Variants in VAT1L observed in about 807,000 individuals in gnomAD.
VAT1L encodes putative NADPH-dependent quinone oxidoreductase VAT1L.
In VAT1L, 34 loss-of-function variants were observed where a neutral mutation model predicts 44.1. The ratio of observed to expected loss-of-function variants is 0.77; its 90% CI spans 0.59 to 1.03. VAT1L has a LOEUF of 1.03. Among genes scored for constraint, VAT1L ranks in the 50% least tolerant of loss-of-function variants. The pLI, the probability that VAT1L is intolerant of heterozygous loss-of-function variation, is 0.00. For synonymous variants in VAT1L, 253 were observed against 202.2 expected (o/e 1.25, Z -2.13); for missense variants, 615 against 538.8 (o/e 1.14, Z -1.40).
At chr16:77,832,777 G>C (rs2145252785) in intron 3 of VAT1L, among the ~76,000 whole-genome samples, 1 of 152,288 alleles carries the variant, frequency 6.6e-6, no homozygotes, top group East Asian at 1.9e-4. Context: ...TATAAAGGGG[G>C]CATTATGAGG....
At chr16:77,960,263 C>T (rs866321123) in intron 7 of VAT1L, among the ~76,000 whole-genome samples, 1 of 152,112 alleles carries the variant, frequency 6.6e-6, no homozygotes. Context: ...ACAGTTAGTA[C>T]ACACTCAGTG....
intron 5 of VAT1L, among the ~76,000 whole-genome samples, chr16:77,878,477 G>A (rs780129243): frequency 1.2e-4 from 17 of 147,336 alleles, no homozygotes; most frequent in Non-Finnish European, 1.8e-4. Flanking sequence ...CCCCTGCCCC[G>A]AAACCTTATA....
intron 4 of VAT1L, among the ~76,000 whole-genome samples, chr16:77,864,214 G>A (rs1233196093): frequency 6.6e-6 from 1 of 152,106 alleles, no homozygotes; most frequent in East Asian, 1.9e-4. Context: ...TTCAGATTTG[G>A]GCCAGAGCCA....
chr16:77,900,704 A>AG (rs1478335883), intron 7 of VAT1L, among the ~76,000 whole-genome samples: 4 of 151,646 alleles, frequency 2.6e-5, no homozygotes, highest in African/African-American at 9.7e-5. Flanking sequence ...TGAAAAAAAA[A>AG]AAAAGAAAAT....
intron 7 of VAT1L, among the ~76,000 whole-genome samples, chr16:77,887,939 C>T (rs973906593): frequency 3.3e-5 from 5 of 152,180 alleles, no homozygotes; most frequent in African/African-American, 1.2e-4. Context: ...GTGACTCCTG[C>T]CCATCCATTA....
intron 2 of VAT1L, among the ~76,000 whole-genome samples, chr16:77,824,916 G>A (rs2016501261): frequency 7.2e-6 from 1 of 138,548 alleles, no homozygotes; most frequent in Non-Finnish European, 1.5e-5. Flanking sequence ...GCCCAGGCTG[G>A]AGTGCAATGG....
intron 7 of VAT1L, among the ~76,000 whole-genome samples, chr16:77,929,221 A>G (rs1396676850): frequency 6.6e-6 from 1 of 152,124 alleles, no homozygotes; most frequent in Non-Finnish European, 1.5e-5. Context: ...TGTCTCCAGA[A>G]ATTCCCCCTC....
At chr16:77,872,567 C>A (rs2017043797) in intron 4 of VAT1L, among the ~76,000 whole-genome samples, 1 of 152,136 alleles carries the variant, frequency 6.6e-6, no homozygotes, top group Non-Finnish European at 1.5e-5. Context: ...CCTCTCCAGC[C>A]CAACCTCAAA....
At chr16:77,921,656 A>G (rs962879078) in intron 7 of VAT1L, among the ~76,000 whole-genome samples, 2 of 152,220 alleles carry the variant, frequency 1.3e-5, no homozygotes, top group East Asian at 3.9e-4. Context: ...CCTTTGTCCT[A>G]ATTTGGTCAC....
rs1162972347 is a variant in VAT1L at position 77,902,737 on chromosome 16, G to GGT, written c.1077+17936_1077+17937insTG. Among the ~76,000 whole-genome samples, 6 of 126,580 alleles carry GGT rather than the reference G, an allele frequency of 4.7e-5. 1 individual carries two copies. The highest frequency in any genetic ancestry group is 9.5e-5 in the Non-Finnish European group (6 of 62,984). 83.0% of individuals were successfully genotyped at this position (126,580 alleles called of 152,430 possible). A position where few individuals can be genotyped will look rare whatever the true frequency, so the allele number is the denominator to read the frequency against. ...TTGGGAGGCCGATGGGGGGGTGGGG[G>GGT]GGGTGTGGATCACCTGAGGTCAGGA... is the stretch of plus-strand genomic sequence containing the variant. On this transcript the variant is annotated intron_variant, in intron 7 of 8. Transcript: ENST00000302536.
At chr16:77,878,887 T>C (rs2017118059) in intron 5 of VAT1L, among the ~76,000 whole-genome samples, 1 of 152,154 alleles carries the variant, frequency 6.6e-6, no homozygotes, top group African/African-American at 2.4e-5. Context: ...CATCATTTTA[T>C]TCAAACGTTG....
chr16:77,943,654 G>A (rs897797428), intron 7 of VAT1L, among the ~76,000 whole-genome samples: 9 of 151,044 alleles, frequency 6.0e-5, no homozygotes, highest in Non-Finnish European at 7.4e-5. Context: ...CGCCTGTCTC[G>A]GCCTCCCAAA....
At chr16:77,794,058 G>C (rs2015884385) in intron 1 of VAT1L, among the ~76,000 whole-genome samples, 1 of 152,162 alleles carries the variant, frequency 6.6e-6, no homozygotes, top group South Asian at 2.1e-4. Context: ...GAACACCCAA[G>C]TGTGCCTAAA....
intron 7 of VAT1L, among the ~76,000 whole-genome samples, chr16:77,956,809 C>A (rs988653525): frequency 6.6e-6 from 1 of 152,176 alleles, no homozygotes; most frequent in Non-Finnish European, 1.5e-5. Context: ...CCACTCTATA[C>A]TTTAGTCTGT....
chr16:77,878,820 C>G (rs1039113714), intron 5 of VAT1L, among the ~76,000 whole-genome samples: 4 of 152,208 alleles, frequency 2.6e-5, no homozygotes, highest in Non-Finnish European at 4.4e-5. Flanking sequence ...AGTAGATTCA[C>G]TAAGGAGTTC....
At chr16:77,887,276 G>T (rs2017218631) in intron 7 of VAT1L, among the ~76,000 whole-genome samples, 1 of 152,160 alleles carries the variant, frequency 6.6e-6, no homozygotes, top group African/African-American at 2.4e-5. Context: ...TGGAAATTTG[G>T]GTTTTACTCT....
chr16:77,838,703 ATC>A (rs146443254), intron 3 of VAT1L, among the ~76,000 whole-genome samples: 2,288 of 133,276 alleles, frequency 0.017, 56 homozygotes, highest in African/African-American at 0.061. Context: ...GTCCATTTCC[ATC>A]TCTCTTTCCT....
At chr16:77,848,192 C>G in intron 3 of VAT1L, among the ~76,000 whole-genome samples, 1 of 152,112 alleles carries the variant, frequency 6.6e-6, no homozygotes, top group East Asian at 1.9e-4. Flanking sequence ...CTAAATAAGA[C>G]CTTCTAACAA....
At chr16:77,842,587 C>T (rs1402999178) in intron 3 of VAT1L, among the ~76,000 whole-genome samples, 1 of 152,158 alleles carries the variant, frequency 6.6e-6, no homozygotes, top group East Asian at 1.9e-4. Context: ...CCCAGGAGAA[C>T]ATGATACTTT....
Sources: allele counts gnomAD v4.1 joint callset (sites outside exome capture counted in the v4.1 genomes callset), GRCh38; gene constraint gnomAD v4.1.1; transcripts MANE v1.5; gene names NCBI Gene and HGNC (gene_info 2026-07-23, HGNC 2026-07-21).